RABEP1: variants seen among roughly 807,000 people sequenced by gnomAD.
RABEP1 encodes rab GTPase-binding effector protein 1.
In RABEP1, 51 loss-of-function variants were observed where a neutral mutation model predicts 123.4. The observed-to-expected ratio is 0.41, with a 90% CI of 0.33 to 0.52. The LOEUF is 0.52. Among genes scored for constraint, RABEP1 ranks in the 20% least tolerant of loss-of-function variants. The pLI is 0.16. For synonymous variants in RABEP1, 347 were observed against 355.2 expected (o/e 0.98, Z 0.26); for missense variants, 888 against 996.3 (o/e 0.89, Z 1.46).
At chr17:5,302,921 A>G (rs891516503) in intron 1 of RABEP1, among the ~76,000 whole-genome samples, 8 of 152,178 alleles carry the variant, frequency 5.3e-5, no homozygotes, top group African/African-American at 1.7e-4. Flanking sequence ...GTGTTGAAAT[A>G]TTTTAAGACC....
chr17:5,291,320 G>T (rs563909990), intron 1 of RABEP1, among the ~76,000 whole-genome samples: 1 of 152,274 alleles, frequency 6.6e-6, no homozygotes, highest in East Asian at 1.9e-4. Context: ...TGAGGCAGGA[G>T]AATTGCTTGA....
chr17:5,381,591 G>C (rs3026113), intron 17 of RABEP1, 86 bp downstream of exon 17: 1 of 1,504,046 alleles, frequency 6.6e-7, no homozygotes, highest in African/African-American at 1.4e-5. Context: ...ACCACTGGCA[G>C]TAGCTAGAGG....
chr17:5,300,229 C>T (rs1273999141), intron 1 of RABEP1, among the ~76,000 whole-genome samples: 4 of 152,116 alleles, frequency 2.6e-5, no homozygotes, highest in Non-Finnish European at 5.9e-5. Flanking sequence ...TGTTGCCAGG[C>T]CTCCTTAGGC....
At chr17:5,378,490 A>G in intron 15 of RABEP1, 1 of 554,652 alleles carries the variant, frequency 1.8e-6, no homozygotes, top group East Asian at 3.3e-5. Flanking sequence ...TAGTGAGAAG[A>G]TAGGCAAGGC....
intron 4 of RABEP1, chr17:5,336,508 A>G: frequency 2.1e-6 from 1 of 473,128 alleles, no homozygotes; most frequent in Non-Finnish European, 4.2e-6. Context: ...AGGATACCAT[A>G]TTGCATTTAG....
At chr17:5,309,968 A>G (rs887287002) in intron 2 of RABEP1, among the ~76,000 whole-genome samples, 9 of 152,240 alleles carry the variant, frequency 5.9e-5, no homozygotes, top group South Asian at 2.1e-4. Context: ...GCTCTAGTCT[A>G]TAATAGAATA....
chr17:5,369,026 T>TTGAACCTGGGAGGCTGAAGTTGCAG (rs1910320038), intron 12 of RABEP1, among the ~76,000 whole-genome samples: 1 of 152,042 alleles, frequency 6.6e-6, no homozygotes, highest in African/African-American at 2.4e-5. Flanking sequence ...GGAGAAGCGC[T>TTGAACCTGGGAGGCTGAAGTTGCAG]TGAACCTGGG....
chr17:5,377,420 T>A, intron 14 of RABEP1, 115 bp downstream of exon 14: 1 of 665,522 alleles, frequency 1.5e-6, no homozygotes, highest in Non-Finnish European at 2.3e-6. Context: ...AAGAATTTAG[T>A]AAGGACTCAG....
At chr17:5,308,919 T>G in intron 2 of RABEP1, 97 bp downstream of exon 2, 1 of 1,196,192 alleles carries the variant, frequency 8.4e-7, no homozygotes, top group South Asian at 1.8e-5. Flanking sequence ...GAATAAACCT[T>G]GATTTTATTT....
rs932692775 is a variant in RABEP1 at position 5,385,468 on chromosome 17, A to G, written c.*2245A>G. On this transcript the variant is annotated 3_prime_UTR_variant, in exon 18 of 18. Transcript: ENST00000537505. ...GTCACTCAGCCATTTCTAAGCAGAT[A>G]TAGTAGTACCTTTCAGAACTCACAT... 4 of 230,642 alleles carry G rather than the reference A, an allele frequency of 1.7e-5. No individual in the cohort carries two copies. In the Admixed American group the frequency reaches 2.3e-4, roughly 13 times the overall value. The allele number at this position is 230,642 out of a possible 1,614,324, so 14.3% of individuals were successfully genotyped here.
chr17:5,358,171 C>G (rs768808271), intron 8 of RABEP1, among the ~76,000 whole-genome samples: 25 of 152,146 alleles, frequency 1.6e-4, no homozygotes, highest in Middle Eastern at 6.8e-3. Flanking sequence ...CCAGCAAGGC[C>G]TCCAGTAAAT....
chr17:5,337,008 G>A (rs772173226), intron 4 of RABEP1, among the ~76,000 whole-genome samples: 68 of 152,140 alleles, frequency 4.5e-4, no homozygotes, highest in Non-Finnish European at 4.0e-4. Context: ...TTCTCTAGAA[G>A]GAAAAAAGCC....
At chr17:5,287,754 T>C (rs2074993703) in intron 1 of RABEP1, among the ~76,000 whole-genome samples, 1 of 151,968 alleles carries the variant, frequency 6.6e-6, no homozygotes, top group Non-Finnish European at 1.5e-5. Flanking sequence ...ACCGCATCTC[T>C]ACAAAAAATT....
intron 1 of RABEP1, 147 bp from the exon 2 acceptor site, chr17:5,308,547 T>A (rs931542681): frequency 4.1e-6 from 3 of 738,578 alleles, no homozygotes; most frequent in Non-Finnish European, 6.3e-6. Flanking sequence ...TTTTAAACAT[T>A]AGAATATCCT....
rs1239067940 is a variant in RABEP1 at position 5,366,243 on chromosome 17, T to C, written c.1785+1005T>C. Among the ~76,000 whole-genome samples, 3 of 152,226 alleles carry C rather than the reference T, an allele frequency of 2.0e-5. No homozygotes were observed. In the South Asian group the frequency reaches 6.2e-4, roughly 32 times the overall value. Reference sequence around the variant, plus strand: ...TTTCTCTAATGACCACTGAAGTTACTTAGCATTTTTCATGTTTCTTGGCCA... The same window carrying C: ...TTTCTCTAATGACCACTGAAGTTACCTAGCATTTTTCATGTTTCTTGGCCA... On this transcript the variant is annotated intron_variant, in intron 11 of 17. Coordinates refer to ENST00000537505, the MANE Select transcript of RABEP1 (RefSeq NM_004703.6).
At chr17:5,362,686 G>C (rs766299466) in intron 9 of RABEP1, among the ~76,000 whole-genome samples, 1 of 152,104 alleles carries the variant, frequency 6.6e-6, no homozygotes, top group Admixed American at 6.5e-5. Context: ...GTGATGTTTT[G>C]TGCCTCTTGG....
At chr17:5,344,726 C>G (rs1410998525) in intron 5 of RABEP1, among the ~76,000 whole-genome samples, 1 of 127,184 alleles carries the variant, frequency 7.9e-6, no homozygotes, top group African/African-American at 3.1e-5. Context: ...GTGCCGAGAT[C>G]GTGCCTCTGC....
rs372672063 is a variant in RABEP1 at position 5,338,107 on chromosome 17, A to G, written c.617A>G (p.Glu206Gly). The G allele has an allele frequency of 2.0e-5, 33 of 1,613,378 alleles. No homozygotes were observed. The highest frequency in any genetic ancestry group is 2.8e-5 in the Non-Finnish European group (33 of 1,179,530). Residue 206 changes from glutamate to glycine, a missense_variant, in exon 5 of 18, where the codon GAA becomes GGA. Physicochemically the swap from Glu to Gly is moderately conservative, Grantham distance 98. Coordinates refer to ENST00000537505, the MANE Select transcript of RABEP1 (RefSeq NM_004703.6). ...TTGAAGGATAAACTGACAGAGGCTG[A>G]AGACAAAATTAAAGAGCTGGAGGCC... ...AALKDKLTEAEDKIKELEASK... is the reference protein window; with the variant it reads ...AALKDKLTEAGDKIKELEASK...
intron 1 of RABEP1, among the ~76,000 whole-genome samples, chr17:5,305,782 T>C (rs1290580283): frequency 6.6e-6 from 1 of 152,204 alleles, no homozygotes; most frequent in Non-Finnish European, 1.5e-5. Context: ...AGAGAACAGA[T>C]TTCTTTCATG....
Sources: allele counts gnomAD v4.1 joint callset (sites outside exome capture counted in the v4.1 genomes callset), GRCh38; gene constraint gnomAD v4.1.1; transcripts MANE v1.5; gene names NCBI Gene and HGNC (gene_info 2026-07-23, HGNC 2026-07-21).